Variants in DLG2 observed in about 807,000 individuals in gnomAD.
DLG2 encodes disks large homolog 2.
A neutral mutation model predicts 132.5 loss-of-function variants in DLG2; 45 were observed. That is an observed-to-expected ratio of 0.34 (90% confidence interval 0.27 to 0.44). The LOEUF is 0.44. Ranked by LOEUF, DLG2 falls within the 20% of genes least tolerant of loss-of-function variation. DLG2 has a pLI of 1.00. For synonymous variants in DLG2, 424 were observed against 419.6 expected (o/e 1.01, Z -0.13); for missense variants, 1,045 against 1,196.9 (o/e 0.87, Z 1.87).
At chr11:84,561,549 A>T (rs2099428795) in intron 6 of DLG2, among the ~76,000 whole-genome samples, 1 of 152,106 alleles carries the variant, frequency 6.6e-6, no homozygotes, top group Non-Finnish European at 1.5e-5. Flanking sequence ...TCATCTTCTT[A>T]AGGAGGAGAC....
intron 5 of DLG2, among the ~76,000 whole-genome samples, chr11:85,139,009 G>C (rs1043204683): frequency 4.5e-4 from 68 of 151,956 alleles, no homozygotes; most frequent in Non-Finnish European, 1.6e-4. Context: ...CCCTGGATTT[G>C]CACATGGCTG....
chr11:83,465,921 A>G (rs895878750), intron 26 of DLG2, among the ~76,000 whole-genome samples: 2 of 152,154 alleles, frequency 1.3e-5, no homozygotes, highest in Non-Finnish European at 2.9e-5. Context: ...GGTTACCTCT[A>G]TCTACTGTAG....
At chr11:85,450,472 C>A (rs1272694380) in intron 3 of DLG2, among the ~76,000 whole-genome samples, 1 of 152,154 alleles carries the variant, frequency 6.6e-6, no homozygotes, top group Non-Finnish European at 1.5e-5. Context: ...TATCAGCAAC[C>A]ACCTACAATT....
At chr11:84,439,014 T>C (rs2099009619) in intron 7 of DLG2, among the ~76,000 whole-genome samples, 1 of 152,166 alleles carries the variant, frequency 6.6e-6, no homozygotes, top group Non-Finnish European at 1.5e-5. Flanking sequence ...GTAAAGGATG[T>C]TGAATACCCT....
At chr11:83,855,913 G>T (rs1031316610) in intron 16 of DLG2, among the ~76,000 whole-genome samples, 5 of 152,074 alleles carry the variant, frequency 3.3e-5, no homozygotes, top group Non-Finnish European at 2.9e-5. Flanking sequence ...AAGGTTTGTT[G>T]TACAGGTTAT....
In DLG2 at chr11:83,588,938, GA is replaced by G. The variant is rs2097140495; in HGVS notation, c.1940+44272del. The stretch of plus-strand genomic sequence containing the variant: ...AATGAAGTGAGAAGGGAAGTTTAGA[GA>G]AAAAAGAATAAAAAGAAATGAGCAA... On this transcript the variant is annotated intron_variant, in intron 19 of 27. Coordinates refer to ENST00000376104, the MANE Select transcript of DLG2 (RefSeq NM_001142699.3). Among the ~76,000 whole-genome samples the G allele has an allele frequency of 2.0e-5, 3 of 149,102 alleles. No individual in the cohort carries two copies. The South Asian group carries it at 6.4e-4, about 32-fold the overall frequency.
chr11:85,057,220 AAATC>A (rs2063548309), intron 6 of DLG2, among the ~76,000 whole-genome samples: 1 of 151,730 alleles, frequency 6.6e-6, no homozygotes, highest in African/African-American at 2.4e-5. Context: ...ATTAAGATGA[AAATC>A]AGTAACAAAT....
At chr11:83,724,669 C>A (rs776231794) in intron 18 of DLG2, among the ~76,000 whole-genome samples, 4 of 152,050 alleles carry the variant, frequency 2.6e-5, no homozygotes, top group African/African-American at 9.7e-5. Flanking sequence ...CAGATAGCAA[C>A]AGACATGAAA....
chr11:83,734,298 G>A (rs1286007207), intron 18 of DLG2, among the ~76,000 whole-genome samples: 1 of 151,630 alleles, frequency 6.6e-6, no homozygotes, highest in Non-Finnish European at 1.5e-5. Context: ...CAACCCAAAA[G>A]TGGATTGTGA....
Position 83,867,053 on chromosome 11 carries a change from T to C in DLG2, c.1565+7367A>G, listed in dbSNP as rs539093572. Among the ~76,000 whole-genome samples, 5 of 152,326 alleles carry C rather than the reference T, an allele frequency of 3.3e-5. No individual in the cohort carries two copies. In the East Asian group the frequency reaches 5.8e-4, roughly 18 times the overall value. On this transcript the variant is annotated intron_variant, in intron 16 of 27. Coordinates refer to ENST00000376104, the MANE Select transcript of DLG2 (RefSeq NM_001142699.3). ...ATTTAATAACATTTTTATTTGAAAG[T>C]AGATTTTTGACAATGATTCTAGTTA...
chr11:84,992,900 T>C (rs1222490637), intron 6 of DLG2, among the ~76,000 whole-genome samples: 1 of 152,166 alleles, frequency 6.6e-6, no homozygotes, highest in Non-Finnish European at 1.5e-5. Context: ...AGAAATACCA[T>C]TTGACTCAGC....
chr11:84,578,054 G>T (rs1025936965), intron 6 of DLG2, among the ~76,000 whole-genome samples: 1 of 152,236 alleles, frequency 6.6e-6, no homozygotes, highest in Non-Finnish European at 1.5e-5. Context: ...TCCATGTGGT[G>T]TTGAGCCTGT....
intron 21 of DLG2, among the ~76,000 whole-genome samples, chr11:83,525,295 A>G (rs2140744043): frequency 6.6e-6 from 1 of 152,284 alleles, no homozygotes; most frequent in African/African-American, 2.4e-5. Context: ...TCAGACAGTT[A>G]TCTGTGTGCT....
At chr11:84,511,289 T>C (rs2099256392) in intron 7 of DLG2, among the ~76,000 whole-genome samples, 2 of 152,114 alleles carry the variant, frequency 1.3e-5, no homozygotes, top group Non-Finnish European at 2.9e-5. Flanking sequence ...TACTTCAATT[T>C]AATATAGGAC....
intron 6 of DLG2, among the ~76,000 whole-genome samples, chr11:84,834,985 T>G (rs1025280996): frequency 6.6e-6 from 1 of 151,666 alleles, no homozygotes; most frequent in Admixed American, 6.6e-5. Context: ...AGACTTCTCA[T>G]TGACTTTAGT....
At chr11:83,978,711 T>C (rs2154172587) in intron 12 of DLG2, among the ~76,000 whole-genome samples, 1 of 152,270 alleles carries the variant, frequency 6.6e-6, no homozygotes, top group Middle Eastern at 3.4e-3. Context: ...TCCAGTTTTC[T>C]CAAGACAAAG....
In DLG2 at chr11:83,529,850, T is replaced by C. The variant is rs190496077; in HGVS notation, c.2193+2858A>G. Among the ~76,000 whole-genome samples, 326 of 152,242 alleles carry C rather than the reference T, an allele frequency of 2.1e-3. 3 individuals carry two copies. Among genetic ancestry groups the C allele is most frequent in the African/African-American group, 6.4e-3 (267 of 41,570 alleles). On this transcript the variant is annotated intron_variant, in intron 21 of 27. Coordinates refer to ENST00000376104, the MANE Select transcript of DLG2 (RefSeq NM_001142699.3). Reference sequence around the variant, plus strand: ...CCTTTCTTTCAATAGCGAAGTCCTATAATTTACAACCTATTCATTGGCAAA... The same window carrying C: ...CCTTTCTTTCAATAGCGAAGTCCTACAATTTACAACCTATTCATTGGCAAA...
chr11:84,086,787 G>C (rs1024496546), intron 10 of DLG2, among the ~76,000 whole-genome samples: 29 of 152,080 alleles, frequency 1.9e-4, no homozygotes, highest in Non-Finnish European at 7.4e-5. Context: ...ATGGTGCCCA[G>C]CCTAGAACAT....
At chr11:85,063,687 TC>T (rs1411457084) in intron 6 of DLG2, among the ~76,000 whole-genome samples, 1 of 151,882 alleles carries the variant, frequency 6.6e-6, no homozygotes, top group Non-Finnish European at 1.5e-5. Flanking sequence ...GAGTTTTTTT[TC>T]CCATTCTTTC....
Sources: allele counts gnomAD v4.1 joint callset (sites outside exome capture counted in the v4.1 genomes callset), GRCh38; gene constraint gnomAD v4.1.1; transcripts MANE v1.5; gene names NCBI Gene and HGNC (gene_info 2026-07-23, HGNC 2026-07-21).